STX17: variants seen among roughly 807,000 people sequenced by gnomAD.
STX17 encodes syntaxin 17.
A neutral mutation model predicts 35.9 loss-of-function variants in STX17; 29 were observed. The ratio of observed to expected loss-of-function variants is 0.81; its 90% CI spans 0.60 to 1.10. STX17 has a LOEUF of 1.10. Among genes scored for constraint, STX17 ranks in the 50% least tolerant of loss-of-function variants. The probability of loss-of-function intolerance (pLI) is 0.00; values close to 1 mark genes in which losing one functional copy is unlikely to be tolerated. For synonymous variants in STX17, 92 were observed against 118.3 expected (o/e 0.78, Z 1.44); for missense variants, 312 against 352.3 (o/e 0.89, Z 0.92).
chr9:99,968,611 A>T lies in STX17; in HGVS notation c.847A>T (p.Met283Leu), dbSNP rs1003673769. ...GATACAAAGAAAGAAACAGAAAATG[A>T]TGGAGAAGCTCACTTCCAGCTGTCC... ...KLIQRKKQKMMEKLTSSCPDL... is the reference protein window; with the variant it reads ...KLIQRKKQKMLEKLTSSCPDL... Residue 283 changes from methionine (M) to leucine (L), a missense_variant, in exon 8 of 8, where the codon ATG (methionine) becomes TTG (leucine). Physicochemically the swap from Met to Leu is conservative, Grantham distance 15. Coordinates refer to ENST00000259400, the MANE Select transcript of STX17 (RefSeq NM_017919.3). 6.2e-7 allele frequency: 1 copy of T among 1,613,880 alleles called. No individual in the cohort carries two copies. Among genetic ancestry groups the T allele is most frequent in the Non-Finnish European group, 8.5e-7 (1 of 1,179,956 alleles).
In STX17 at chr9:99,969,429, A is replaced by G. The variant is rs1463397530; in HGVS notation, c.*756A>G. ...TGCTGTCCCTCCCTTGTAATTATGA[A>G]AAGTTCTTTGGTTTCTGGGGTGAAT... On this transcript the variant is annotated 3_prime_UTR_variant, in exon 8 of 8. Transcript: ENST00000259400. The G allele has an allele frequency of 6.6e-6, 1 of 152,160 alleles. No homozygotes were observed. The highest frequency in any genetic ancestry group is 1.5e-5 in the Non-Finnish European group (1 of 68,048). The allele number at this position is 152,160 out of a possible 1,614,324, so 9.4% of individuals were successfully genotyped here.
At chr9:99,911,256 T>C (rs1164886176) in intron 1 of STX17, among the ~76,000 whole-genome samples, 1 of 152,148 alleles carries the variant, frequency 6.6e-6, no homozygotes, top group Non-Finnish European at 1.5e-5. Flanking sequence ...CAGGATGGTC[T>C]CGATCTCCTG....
Position 99,951,279 on chromosome 9 carries a change from G to A in STX17, c.409G>A (p.Val137Ile). Residue 137 changes from valine to isoleucine, a missense_variant, in exon 4 of 8, where the codon GTT (valine) becomes ATT (isoleucine). Coordinates refer to ENST00000259400, the MANE Select transcript of STX17 (RefSeq NM_017919.3). ...LQPPLTRSMT[V>I]GGAFHTTEAE... ...GCCTCCTTTGACCAGATCCATGACT[G>A]TTGGTGGTAATGTATTGTGCTAAGT... 6.2e-7 allele frequency: 1 copy of A among 1,612,406 alleles called. No homozygotes were observed. The highest frequency in any genetic ancestry group is 1.1e-5 in the South Asian group (1 of 91,028).
At chr9:99,925,455 C>G (rs1470241457) in intron 2 of STX17, among the ~76,000 whole-genome samples, 1 of 152,110 alleles carries the variant, frequency 6.6e-6, no homozygotes, top group Non-Finnish European at 1.5e-5. Flanking sequence ...GCTCTTCGTT[C>G]ATTTGTGTAG....
intron 6 of STX17, among the ~76,000 whole-genome samples, chr9:99,961,613 A>G (rs1305268271): frequency 2.0e-5 from 3 of 152,130 alleles, no homozygotes; most frequent in Non-Finnish European, 4.4e-5. Context: ...ATGTGTGTCC[A>G]CACAGGCATA....
chr9:99,962,168 A>G (rs1409832738), intron 6 of STX17, among the ~76,000 whole-genome samples: 1 of 152,150 alleles, frequency 6.6e-6, no homozygotes, highest in African/African-American at 2.4e-5. Flanking sequence ...TATGTTCCAT[A>G]TTCTGAATAT....
In STX17 at chr9:99,915,165, A is replaced by G. The variant is rs1828742130; in HGVS notation, c.-62-13A>G. The stretch of plus-strand genomic sequence containing the variant: ...GATTTGAAAACATTCTTAAAGAAAT[A>G]TTTTTCTTTTAGGTTTTTCTATATG... On this transcript the variant is annotated splice_polypyrimidine_tract_variant and intron_variant, in intron 1 of 7. Transcript: ENST00000259400. The G allele has an allele frequency of 3.3e-5, 47 of 1,440,716 alleles. No homozygotes were observed. The highest frequency in any genetic ancestry group is 4.1e-5 in the Non-Finnish European group (45 of 1,086,298). 89.2% of individuals were successfully genotyped at this position (1,440,716 alleles called of 1,614,324 possible).
chr9:99,909,016 T>A (rs1018155683), intron 1 of STX17, among the ~76,000 whole-genome samples: 1 of 152,256 alleles, frequency 6.6e-6, no homozygotes, highest in Non-Finnish European at 1.5e-5. Flanking sequence ...AATCTGACTC[T>A]TGGCATTCTA....
At chr9:99,962,652 A>G (rs1829849219) in intron 6 of STX17, among the ~76,000 whole-genome samples, 1 of 152,248 alleles carries the variant, frequency 6.6e-6, no homozygotes, top group Non-Finnish European at 1.5e-5. Context: ...ATGTTTGATT[A>G]TATTATGTAA....
At chr9:99,960,466 C>T (rs533678109) in intron 6 of STX17, among the ~76,000 whole-genome samples, 25 of 150,376 alleles carry the variant, frequency 1.7e-4, no homozygotes, top group Non-Finnish European at 2.7e-4. Context: ...TTTTTTGAGA[C>T]GGAGTCTCAC....
intron 3 of STX17, among the ~76,000 whole-genome samples, chr9:99,945,358 A>G (rs914253682): frequency 5.9e-5 from 9 of 152,050 alleles, no homozygotes; most frequent in Non-Finnish European, 1.0e-4. Context: ...GATTCTCTTT[A>G]TTTTTAGCAA....
intron 3 of STX17, among the ~76,000 whole-genome samples, chr9:99,947,673 G>A (rs968358718): frequency 6.6e-6 from 1 of 152,198 alleles, no homozygotes; most frequent in Admixed American, 6.6e-5. Flanking sequence ...AGGCCAGTCT[G>A]TAGTTCATGC....
chr9:99,947,609 T>C (rs1327583544), intron 3 of STX17, among the ~76,000 whole-genome samples: 1 of 152,198 alleles, frequency 6.6e-6, no homozygotes, highest in Non-Finnish European at 1.5e-5. Context: ...CTTTCCAAGA[T>C]TATCTTTATC....
At chr9:99,951,339 G>A (rs1176026353) in intron 4 of STX17, 54 bp downstream of exon 4, 38 of 1,516,826 alleles carry the variant, frequency 2.5e-5, no homozygotes, top group Non-Finnish European at 3.4e-5. Context: ...GTTAATTAAA[G>A]ATCACCTCCT....
intron 1 of STX17, among the ~76,000 whole-genome samples, chr9:99,911,129 G>A (rs1348298023): frequency 6.6e-6 from 1 of 151,840 alleles, no homozygotes; most frequent in Non-Finnish European, 1.5e-5. Flanking sequence ...TCCGCCTCCT[G>A]GGTTCAAGCG....
intron 3 of STX17, among the ~76,000 whole-genome samples, chr9:99,950,307 T>C (rs1829567694): frequency 6.6e-6 from 1 of 151,860 alleles, no homozygotes. Flanking sequence ...TTACTGCTTT[T>C]TGGGAAAAAA....
At chr9:99,918,835 A>G (rs1380983599) in intron 2 of STX17, among the ~76,000 whole-genome samples, 1 of 151,996 alleles carries the variant, frequency 6.6e-6, no homozygotes, top group Non-Finnish European at 1.5e-5. Context: ...TCCATCTCCT[A>G]CCTGTTGGGG....
At chr9:99,950,789 T>A (rs1192250136) in intron 3 of STX17, among the ~76,000 whole-genome samples, 1 of 151,976 alleles carries the variant, frequency 6.6e-6, no homozygotes, top group Admixed American at 6.6e-5. Flanking sequence ...GCTTCTGTAG[T>A]GTTTGATTTA....
intron 2 of STX17, chr9:99,916,014 A>G (rs1356965900): frequency 2.2e-6 from 1 of 455,174 alleles, no homozygotes; most frequent in African/African-American, 2.0e-5. Context: ...TTGAACTTTG[A>G]GTGTGTGTCT....
Sources: allele counts gnomAD v4.1 joint callset (sites outside exome capture counted in the v4.1 genomes callset), GRCh38; gene constraint gnomAD v4.1.1; transcripts MANE v1.5; gene names NCBI Gene and HGNC (gene_info 2026-07-23, HGNC 2026-07-21).